The following FYB2 variants were observed in gnomAD, a reference collection of about 807,000 sequenced individuals.
FYB2 encodes the protein FYN-binding protein 2.
A neutral mutation model predicts 94.1 loss-of-function variants in FYB2; 103 were observed. That is an observed-to-expected ratio of 1.09 (90% confidence interval 0.93 to 1.29). The LOEUF (loss-of-function observed/expected upper bound fraction) is 1.29, where lower values mean the gene tolerates loss of function less well. Among genes scored for constraint, FYB2 ranks in the 50% most tolerant of loss-of-function variants. The pLI, the probability that FYB2 is intolerant of heterozygous loss-of-function variation, is 0.00. For synonymous variants in FYB2, 293 were observed against 287.9 expected (o/e 1.02, Z -0.18); for missense variants, 896 against 841.5 (o/e 1.06, Z -0.80).
Position 56,789,090 on chromosome 1 carries a change from GCTTTGTTTTGGGAAGGTGGTGATGC to G in FYB2, c.777_801del (p.Arg259SerfsTer22). 6.2e-7 allele frequency: 1 copy of G among 1,611,010 alleles called. No homozygotes were observed. Among genetic ancestry groups the G allele is most frequent in the Non-Finnish European group, 8.5e-7 (1 of 1,178,510 alleles). On this transcript the variant is annotated frameshift_variant, in exon 3 of 20. Transcript: ENST00000343433. LOFTEE classifies it high-confidence loss of function. ...CCCAGGGAGTCGATGGAGGGCAATG[GCTTTGTTTTGGGAAGGTGGTGATGC>G]CTGACATCTGGCTGTTTTTCTGAAC...
intron 1 of FYB2, among the ~76,000 whole-genome samples, chr1:56,808,626 T>A (rs1646697703): frequency 6.6e-6 from 1 of 152,172 alleles, no homozygotes; most frequent in Non-Finnish European, 1.5e-5. Flanking sequence ...CAGCAACACA[T>A]TCTGCAGCCT....
chr1:56,793,392 A>ATTTCATCC lies in FYB2; in HGVS notation c.10-590_10-589insGGATGAAA, dbSNP rs374680895. 3.7e-3 allele frequency among the ~76,000 whole-genome samples: 556 copies of ATTTCATCC among 152,236 alleles called. 2 individuals carry two copies. The highest frequency in any genetic ancestry group is 0.014 in the Middle Eastern group (4 of 292). On this transcript the variant is annotated intron_variant, in intron 1 of 19. Coordinates refer to ENST00000343433, the MANE Select transcript of FYB2 (RefSeq NM_001004303.5). ...CCTTTCTTGCACTTCGCTGCCTACT[A>ATTTCATCC]ATCCATCAATATTTCACCTAGGGAA...
At chr1:56,800,997 A>T (rs1017344678) in intron 1 of FYB2, among the ~76,000 whole-genome samples, 6 of 152,256 alleles carry the variant, frequency 3.9e-5, no homozygotes, top group Middle Eastern at 3.4e-3. Context: ...GGTCACCATG[A>T]GAAAACGAAG....
At chr1:56,821,162 C>T (rs1436924670), upstream of FYB2, among the ~76,000 whole-genome samples, 1 of 152,246 alleles carries the variant, frequency 6.6e-6, no homozygotes, top group Non-Finnish European at 1.5e-5. Flanking sequence ...GCCCTCCCCG[C>T]AGTCCCAACT....
chr1:56,763,953 A>ATTT (rs753365184), intron 5 of FYB2, among the ~76,000 whole-genome samples: 1 of 133,876 alleles, frequency 7.5e-6, no homozygotes. Context: ...TATTATGTCT[A>ATTT]TTTTTTTTTT....
intron 5 of FYB2, among the ~76,000 whole-genome samples, chr1:56,759,700 C>T (rs751243297): frequency 6.6e-5 from 10 of 152,138 alleles, no homozygotes; most frequent in Non-Finnish European, 1.3e-4. Context: ...CAAATTACTT[C>T]ATTTCTTTGA....
At chr1:56,769,090 G>A (rs1040654429) in intron 4 of FYB2, among the ~76,000 whole-genome samples, 4 of 152,040 alleles carry the variant, frequency 2.6e-5, no homozygotes, top group Non-Finnish European at 4.4e-5. Context: ...CCAGGCTGGA[G>A]TACAGTGGCG....
intron 1 of FYB2, among the ~76,000 whole-genome samples, chr1:56,809,526 C>T (rs1646718923): frequency 6.6e-6 from 1 of 152,174 alleles, no homozygotes; most frequent in Non-Finnish European, 1.5e-5. Flanking sequence ...ACACATGTCA[C>T]TCTCTTTCCA....
At chr1:56,800,494 T>C (rs4912417) in intron 1 of FYB2, among the ~76,000 whole-genome samples, 114,752 of 152,026 alleles carry the variant, frequency 0.75, 43,498 homozygotes, top group East Asian at 0.89. Flanking sequence ...AATTAATTAA[T>C]TAAATAAAAT....
intron 5 of FYB2, among the ~76,000 whole-genome samples, chr1:56,764,457 A>G (rs1237651897): frequency 6.8e-6 from 1 of 146,914 alleles, no homozygotes; most frequent in Non-Finnish European, 1.5e-5. Context: ...GGTAGTTACT[A>G]TTGTTTATTT....
In FYB2 at chr1:56,738,653, A is replaced by C; in HGVS notation, c.1704T>G (p.Ser568Arg). 6.2e-7 allele frequency: 1 copy of C among 1,610,786 alleles called. No homozygotes were observed. Among genetic ancestry groups the C allele is most frequent in the East Asian group, 2.2e-5 (1 of 44,730 alleles). Reference protein sequence around the residue: ...IKKTKSKENLSAFSILLPDLE... With the variant: ...IKKTKSKENLRAFSILLPDLE... ...AATCAGGCAGCAAAATGGAAAATGCACTGTTGATTGACAAAAGACACAAAA... is the reference window on the plus strand; with the variant it reads ...AATCAGGCAGCAAAATGGAAAATGCCCTGTTGATTGACAAAAGACACAAAA... Residue 568 changes from serine (S) to arginine (R), a missense_variant and splice_region_variant, in exon 14 of 20, where the codon AGT becomes AGG. Transcript: ENST00000343433.
chr1:56,719,795 G>A lies in FYB2; in HGVS notation c.2166-103C>T, dbSNP rs1318173477. 5 of 1,183,308 alleles carry A rather than the reference G, an allele frequency of 4.2e-6. No individual in the cohort carries two copies. In the South Asian group the frequency reaches 7.2e-5, roughly 17 times the overall value. 73.3% of individuals were successfully genotyped at this position (1,183,308 alleles called of 1,614,324 possible). On this transcript the variant is annotated intron_variant, in intron 19 of 19. Transcript: ENST00000343433. The stretch of plus-strand genomic sequence containing the variant: ...TTCTGATCTAGTTTAATATGTTTGT[G>A]TTCTTTTAAAATGTTTATAAAGCTG...
In FYB2 at chr1:56,753,851, GT is replaced by G. The variant is rs1645260429; in HGVS notation, c.1214del (p.Asn405ThrfsTer6). The G allele has an allele frequency of 6.2e-7, 1 of 1,606,946 alleles. No individual in the cohort carries two copies. Among genetic ancestry groups the G allele is most frequent in the African/African-American group, 1.3e-5 (1 of 74,740 alleles). ...AGAACATAGGTACCTTGAAAACATG[GT>G]TTGAATATGGTTCCTTTTCTGTGTT... ...PKNTEKEPYS[N>X]HVFKVDACEG... is the part of the protein sequence containing the mutation. On this transcript the variant is annotated frameshift_variant, in exon 8 of 20. Coordinates refer to ENST00000343433, the MANE Select transcript of FYB2 (RefSeq NM_001004303.5). LOFTEE classifies it high-confidence loss of function.
chr1:56,790,304 G>A (rs1221825428), intron 2 of FYB2, among the ~76,000 whole-genome samples: 4 of 152,146 alleles, frequency 2.6e-5, no homozygotes, highest in African/African-American at 9.7e-5. Flanking sequence ...CCAGAAACTC[G>A]GGCCCAAAGT....
chr1:56,769,691 A>T (rs1036976346), intron 4 of FYB2, among the ~76,000 whole-genome samples: 1 of 152,172 alleles, frequency 6.6e-6, no homozygotes, highest in African/African-American at 2.4e-5. Context: ...CTAAAAAAAT[A>T]GAAATAGAAT....
chr1:56,825,478 T>C, the FYB2 span, among the ~76,000 whole-genome samples: 2 of 152,136 alleles, frequency 1.3e-5, no homozygotes, highest in Admixed American at 6.6e-5. Context: ...ATTCAGGAAA[T>C]GCTTACCTAA....
chr1:56,774,356 C>T (rs781375039), intron 4 of FYB2, among the ~76,000 whole-genome samples: 3 of 152,084 alleles, frequency 2.0e-5, no homozygotes, highest in Admixed American at 1.3e-4. Context: ...CCATGCTTAG[C>T]GTAGTGCTTG....
In FYB2 at chr1:56,816,863, C is replaced by CTTT. The variant is rs11415687; in HGVS notation, c.9+2416_9+2418dup. On this transcript the variant is annotated intron_variant, in intron 1 of 19. Coordinates refer to ENST00000343433, the MANE Select transcript of FYB2 (RefSeq NM_001004303.5). Reference sequence around the variant, plus strand: ...ACAAGTTGGAGTCATCAACAATTTTCTTTTTTTTTTTTTTGTCTAATCCAT... The same window carrying CTTT: ...ACAAGTTGGAGTCATCAACAATTTTCTTTTTTTTTTTTTTTTTGTCTAATCCAT... Among the ~76,000 whole-genome samples the CTTT allele has an allele frequency of 9.7e-4, 136 of 140,188 alleles. 2 individuals are homozygous for CTTT. The highest frequency in any genetic ancestry group is 3.6e-3 in the African/African-American group (131 of 36,530). 92.0% of individuals were successfully genotyped at this position (140,188 alleles called of 152,430 possible).
At chr1:56,766,936 G>A (rs543012152) in intron 5 of FYB2, among the ~76,000 whole-genome samples, 2 of 152,304 alleles carry the variant, frequency 1.3e-5, no homozygotes, top group Admixed American at 6.5e-5. Flanking sequence ...GCATAAACTT[G>A]TGGAAAAAGC....
Sources: allele counts gnomAD v4.1 joint callset (sites outside exome capture counted in the v4.1 genomes callset), GRCh38; gene constraint gnomAD v4.1.1; transcripts MANE v1.5; gene names NCBI Gene and HGNC (gene_info 2026-07-23, HGNC 2026-07-21).